CSMD1: variants seen among roughly 807,000 people sequenced by gnomAD.
CSMD1 encodes the protein CUB and Sushi multiple domains 1, also known as CUB and sushi domain-containing protein 1.
In CSMD1, 213 loss-of-function variants were observed where a neutral mutation model predicts 417.5. The ratio of observed to expected loss-of-function variants is 0.51; its 90% CI spans 0.46 to 0.57. The LOEUF (loss-of-function observed/expected upper bound fraction) is 0.57, where lower values mean the gene tolerates loss of function less well. Ranked by LOEUF, CSMD1 falls within the 20% of genes least tolerant of loss-of-function variation. The probability of loss-of-function intolerance (pLI) is 0.00; values close to 1 mark genes in which losing one functional copy is unlikely to be tolerated. For missense variants in CSMD1, 6,923 were observed against 4,529.7 expected (o/e 1.53, Z -15.17); for synonymous variants, 2,862 against 1,736.8 (o/e 1.65, Z -16.11).
Position 3,387,621 on chromosome 8 carries a change from G to T in CSMD1, c.2655C>A (p.His885Gln), listed in dbSNP as rs377409143. ...DPGIPVNGHRHGGDFGIRSTV... is the reference protein window; with the variant it reads ...DPGIPVNGHRQGGDFGIRSTV... ...TGGACCTGATGCCAAAGTCTCCACC[G>T]TGGCGATGGCCGTTCACAGGGATGC... The change falls in exon 18 of 70, where the codon CAC becomes CAA. Residue 885 changes from histidine to glutamine, a missense_variant. Physicochemically the swap from His to Gln is conservative, Grantham distance 24. Coordinates refer to ENST00000635120, the MANE Select transcript of CSMD1 (RefSeq NM_033225.6). 36 of 1,600,886 alleles carry T rather than the reference G, an allele frequency of 2.2e-5. No individual in the cohort carries two copies. In the South Asian group the frequency reaches 2.5e-4, roughly 11 times the overall value.
At chr8:4,229,030 C>T (rs766373153) in intron 3 of CSMD1, among the ~76,000 whole-genome samples, 14 of 152,192 alleles carry the variant, frequency 9.2e-5, no homozygotes, top group Non-Finnish European at 1.5e-4. Context: ...ATATATCCGA[C>T]TGTCTTCTCA....
chr8:4,421,600 G>A (rs62480999), intron 2 of CSMD1, among the ~76,000 whole-genome samples: 1 of 151,848 alleles, frequency 6.6e-6, no homozygotes, highest in Admixed American at 6.6e-5. Flanking sequence ...GGGCCAAAGA[G>A]AAAGTCTCAA....
At chr8:3,615,476 A>C (rs555869941) in intron 8 of CSMD1, among the ~76,000 whole-genome samples, 1 of 152,262 alleles carries the variant, frequency 6.6e-6, no homozygotes, top group African/African-American at 2.4e-5. Flanking sequence ...GAAAACACAA[A>C]CTTCTTAATA....
chr8:4,974,504 T>A (rs1810431308), intron 1 of CSMD1, among the ~76,000 whole-genome samples: 1 of 127,834 alleles, frequency 7.8e-6, no homozygotes, highest in South Asian at 2.5e-4. Flanking sequence ...GATCATTACA[T>A]GAAAATTATT....
chr8:4,580,546 C>T (rs185237282), intron 2 of CSMD1, among the ~76,000 whole-genome samples: 15 of 152,102 alleles, frequency 9.9e-5, no homozygotes, highest in African/African-American at 3.6e-4. Flanking sequence ...TTGAGTTGTT[C>T]CCCATGTCGG....
chr8:3,169,073 C>T lies in CSMD1; in HGVS notation c.5726-6796G>A, dbSNP rs1005647524. Among the ~76,000 whole-genome samples the T allele has an allele frequency of 5.3e-5, 8 of 152,310 alleles. No homozygotes were observed. The South Asian group carries it at 1.2e-3, about 24-fold the overall frequency. On this transcript the variant is annotated intron_variant, in intron 37 of 69. Transcript: ENST00000635120. Reference sequence around the variant, plus strand: ...ACTATTTTGGTCTACGTACCACCCACCAACAACCTGGACCAGTATCCTCAT... The same window carrying T: ...ACTATTTTGGTCTACGTACCACCCATCAACAACCTGGACCAGTATCCTCAT...
At chr8:3,694,362 T>C (rs940246390) in intron 7 of CSMD1, among the ~76,000 whole-genome samples, 1 of 152,030 alleles carries the variant, frequency 6.6e-6, no homozygotes, top group Non-Finnish European at 1.5e-5. Flanking sequence ...GGCTGAGGAT[T>C]TTCCCAAACT....
At chr8:4,551,367 T>A (rs940235407) in intron 2 of CSMD1, among the ~76,000 whole-genome samples, 1 of 152,190 alleles carries the variant, frequency 6.6e-6, no homozygotes, top group Non-Finnish European at 1.5e-5. Context: ...CACCATTTCA[T>A]CCACTACCCT....
chr8:4,669,550 G>A (rs1442325958), intron 1 of CSMD1, among the ~76,000 whole-genome samples: 1 of 152,132 alleles, frequency 6.6e-6, no homozygotes, highest in African/African-American at 2.4e-5. Context: ...AGAATTTTCA[G>A]AGATTTTTTT....
intron 2 of CSMD1, among the ~76,000 whole-genome samples, chr8:4,602,917 T>C (rs890156457): frequency 2.0e-5 from 3 of 151,878 alleles, no homozygotes; most frequent in African/African-American, 4.8e-5. Flanking sequence ...TAGGTTAAAA[T>C]AGATTATTAT....
chr8:3,750,247 G>A (rs1003433891), intron 6 of CSMD1, among the ~76,000 whole-genome samples: 5 of 151,562 alleles, frequency 3.3e-5, no homozygotes, highest in Admixed American at 1.3e-4. Flanking sequence ...CTACAATAAC[G>A]TTAAAAAGAT....
chr8:3,577,936 C>G (rs1218732665), intron 9 of CSMD1, among the ~76,000 whole-genome samples: 1 of 152,138 alleles, frequency 6.6e-6, no homozygotes, highest in Non-Finnish European at 1.5e-5. Context: ...ATTAAACAAC[C>G]ACCCTGTGGC....
chr8:4,517,738 T>C (rs1292791400), intron 2 of CSMD1, among the ~76,000 whole-genome samples: 1 of 152,186 alleles, frequency 6.6e-6, no homozygotes, highest in Non-Finnish European at 1.5e-5. Context: ...TATCAAAAAG[T>C]TCATCTCAAT....
chr8:3,046,710 C>T (rs1409786052), intron 50 of CSMD1, among the ~76,000 whole-genome samples: 1 of 152,176 alleles, frequency 6.6e-6, no homozygotes, highest in Non-Finnish European at 1.5e-5. Flanking sequence ...TTCCAGGCAG[C>T]CTTCCCCGCA....
chr8:3,296,529 A>T (rs78903201), intron 25 of CSMD1, among the ~76,000 whole-genome samples: 5,693 of 152,248 alleles, frequency 0.037, 172 homozygotes, highest in Admixed American at 0.091. Flanking sequence ...CCAACAATTT[A>T]AAGAACTGGC....
rs115255175 is a variant in CSMD1 at position 4,902,390 on chromosome 8, T to C, written c.85+91942A>G. Among the ~76,000 whole-genome samples the C allele has an allele frequency of 5.2e-3, 787 of 151,790 alleles. 6 individuals are homozygous for C. The highest frequency in any genetic ancestry group is 0.018 in the African/African-American group (734 of 41,364). ...AGTTGAAGACTGCAGTGACCCATGA[T>C]TGTGCCACTTAGCAACAGAACAAGA... On this transcript the variant is annotated intron_variant, in intron 1 of 69. Coordinates refer to ENST00000635120, the MANE Select transcript of CSMD1 (RefSeq NM_033225.6).
intron 5 of CSMD1, among the ~76,000 whole-genome samples, chr8:3,826,954 ATATAATT>A (rs1159249698): frequency 6.6e-6 from 1 of 151,904 alleles, no homozygotes; most frequent in Non-Finnish European, 1.5e-5. Flanking sequence ...ATTTTTTTAA[ATATAATT>A]TATAGAGACA....
chr8:3,146,412 G>A (rs186689110), intron 40 of CSMD1, among the ~76,000 whole-genome samples: 221 of 151,914 alleles, frequency 1.5e-3, no homozygotes, highest in African/African-American at 5.2e-3. Context: ...ATTAAAAACA[G>A]CACTTAAATA....
At chr8:4,367,438 A>G (rs1802144378) in intron 3 of CSMD1, among the ~76,000 whole-genome samples, 1 of 152,144 alleles carries the variant, frequency 6.6e-6, no homozygotes, top group South Asian at 2.1e-4. Flanking sequence ...CTGTACCAGT[A>G]CCATGATGTT....
Sources: allele counts gnomAD v4.1 joint callset (sites outside exome capture counted in the v4.1 genomes callset), GRCh38; gene constraint gnomAD v4.1.1; transcripts MANE v1.5; gene names NCBI Gene and HGNC (gene_info 2026-07-23, HGNC 2026-07-21).